Variants in LRFN5 observed in about 807,000 individuals in gnomAD.
LRFN5 encodes leucine-rich repeat and fibronectin type-III domain-containing protein 5.
LRFN5 carries 24 observed loss-of-function variants against 45.6 expected under a neutral mutation model. The observed-to-expected ratio is 0.53, with a 90% CI of 0.38 to 0.74. LRFN5 has a LOEUF of 0.74. Among genes scored for constraint, LRFN5 ranks in the 30% least tolerant of loss-of-function variants. The probability of loss-of-function intolerance (pLI) is 0.00; values close to 1 mark genes in which losing one functional copy is unlikely to be tolerated. For missense variants in LRFN5, 776 were observed against 861.5 expected (o/e 0.90, Z 1.24); for synonymous variants, 340 against 313.8 (o/e 1.08, Z -0.88).
chr14:41,880,371 G>T (rs948157467), intron 2 of LRFN5, among the ~76,000 whole-genome samples: 19 of 151,248 alleles, frequency 1.3e-4, no homozygotes, highest in African/African-American at 4.4e-4. Context: ...AGCTTCTTAG[G>T]TATCAAGCTT....
intron 2 of LRFN5, among the ~76,000 whole-genome samples, chr14:41,797,578 C>T (rs1594718590): frequency 6.6e-6 from 1 of 151,282 alleles, no homozygotes; most frequent in Non-Finnish European, 1.5e-5. Flanking sequence ...AGTATTTTTT[C>T]TCTGCTTAGA....
At chr14:41,624,506 A>G (rs1335633572) in intron 1 of LRFN5, among the ~76,000 whole-genome samples, 2 of 152,160 alleles carry the variant, frequency 1.3e-5, no homozygotes, top group African/African-American at 2.4e-5. Flanking sequence ...ATCTTTTCCA[A>G]TTTAGGTAGA....
intron 2 of LRFN5, among the ~76,000 whole-genome samples, chr14:41,834,743 C>T (rs1190954861): frequency 6.6e-6 from 1 of 151,854 alleles, no homozygotes; most frequent in Non-Finnish European, 1.5e-5. Flanking sequence ...CTTACTGCAG[C>T]CTTAACTTCC....
At chr14:41,760,422 C>T (rs1479432377) in intron 1 of LRFN5, among the ~76,000 whole-genome samples, 1 of 152,038 alleles carries the variant, frequency 6.6e-6, no homozygotes, top group African/African-American at 2.4e-5. Context: ...ATAATGTACT[C>T]ATGTATTACT....
intron 2 of LRFN5, among the ~76,000 whole-genome samples, chr14:41,781,596 GAAAGAAA>G (rs746976901): frequency 3.5e-4 from 30 of 85,768 alleles, no homozygotes; most frequent in Non-Finnish European, 5.0e-4. Flanking sequence ...AAGAAAGAAA[GAAAGAAA>G]GAAAGAAAGA....
At chr14:41,861,480 T>A (rs1889657942) in intron 2 of LRFN5, among the ~76,000 whole-genome samples, 1 of 152,188 alleles carries the variant, frequency 6.6e-6, no homozygotes, top group African/African-American at 2.4e-5. Flanking sequence ...TGGATGTAAC[T>A]CACTTTAAGC....
At chr14:41,898,819 T>G in intron 4 of LRFN5, 98 bp from the exon 5 acceptor site, 1 of 1,101,860 alleles carries the variant, frequency 9.1e-7, no homozygotes, top group Non-Finnish European at 1.3e-6. Flanking sequence ...TTGTTAATTC[T>G]TGATATGAAG....
chr14:41,824,476 G>T (rs1422339338), intron 2 of LRFN5, among the ~76,000 whole-genome samples: 2 of 152,150 alleles, frequency 1.3e-5, no homozygotes, highest in Non-Finnish European at 2.9e-5. Flanking sequence ...TTGTAGTAGT[G>T]ATGCACTGGT....
At chr14:41,892,347 G>C in intron 4 of LRFN5, 1 of 983,180 alleles carries the variant, frequency 1.0e-6, no homozygotes, top group Non-Finnish European at 1.2e-6. Context: ...ATGTATACTG[G>C]AAGGAAACAT....
intron 1 of LRFN5, among the ~76,000 whole-genome samples, chr14:41,716,299 G>A (rs553008840): frequency 6.6e-6 from 1 of 152,030 alleles, no homozygotes; most frequent in South Asian, 2.1e-4. Context: ...AAATTTCTGC[G>A]GCCAGCTTGG....
At chr14:41,798,040 A>G (rs1011867277) in intron 2 of LRFN5, among the ~76,000 whole-genome samples, 1 of 151,880 alleles carries the variant, frequency 6.6e-6, no homozygotes, top group Admixed American at 6.6e-5. Flanking sequence ...TTCCTCTTGG[A>G]ACTATCTCTA....
chr14:41,620,036 A>G (rs1179650815), intron 1 of LRFN5, among the ~76,000 whole-genome samples: 3 of 152,100 alleles, frequency 2.0e-5, no homozygotes, highest in Non-Finnish European at 4.4e-5. Flanking sequence ...GCTCTTTTAA[A>G]AAATACGTCT....
At chr14:41,678,631 C>T (rs1022576991) in intron 1 of LRFN5, among the ~76,000 whole-genome samples, 1 of 152,066 alleles carries the variant, frequency 6.6e-6, no homozygotes, top group African/African-American at 2.4e-5. Flanking sequence ...GTATATATAA[C>T]ATCTTAGGTG....
chr14:41,619,756 T>A (rs1888053711), intron 1 of LRFN5, among the ~76,000 whole-genome samples: 1 of 152,008 alleles, frequency 6.6e-6, no homozygotes, highest in Admixed American at 6.6e-5. Flanking sequence ...CTGCATATAC[T>A]ATGTGTATTA....
intron 4 of LRFN5, chr14:41,893,011 G>A (rs1463051724): frequency 9.1e-6 from 9 of 984,280 alleles, no homozygotes; most frequent in Non-Finnish European, 1.1e-5. Flanking sequence ...ACTTCTAATG[G>A]TGTTCTCATT....
At chr14:41,876,430 A>G (rs980609613) in intron 2 of LRFN5, among the ~76,000 whole-genome samples, 136 of 142,732 alleles carry the variant, frequency 9.5e-4, no homozygotes, top group African/African-American at 3.1e-3. Context: ...ACAGGTGCCC[A>G]CCACCATGCC....
In LRFN5 at chr14:41,607,815, T is replaced by C. The variant is rs1248221255; in HGVS notation, c.-944T>C. 2 of 150,940 alleles carry C rather than the reference T, an allele frequency of 1.3e-5. No individual in the cohort carries two copies. The highest frequency in any genetic ancestry group is 3.0e-5 in the Non-Finnish European group (2 of 67,700). The allele number at this position is 150,940 out of a possible 1,614,324, so 9.4% of individuals were successfully genotyped here. A position where few individuals can be genotyped will look rare whatever the true frequency, so the allele number is the denominator to read the frequency against. ...GAGAGTGTCTTGCAGCCCTCTTGTT[T>C]CCGTGTATCTACACCTTCTTCTCTT... On this transcript the variant is annotated 5_prime_UTR_variant, in exon 1 of 6. Coordinates refer to ENST00000298119, the MANE Select transcript of LRFN5 (RefSeq NM_152447.5).
In LRFN5 at chr14:41,674,319, G is replaced by A. The variant is rs1216989426; in HGVS notation, c.-197+65757G>A. Among the ~76,000 whole-genome samples, 6 of 137,522 alleles carry A rather than the reference G, an allele frequency of 4.4e-5. No homozygotes were observed. The East Asian group carries it at 6.9e-4, about 16-fold the overall frequency. The allele number at this position is 137,522 out of a possible 152,430, so 90.2% of individuals were successfully genotyped here. A position where few individuals can be genotyped will look rare whatever the true frequency, so the allele number is the denominator to read the frequency against. ...CACCTCCCGGACGGGGCGGCTGGCC[G>A]GGCGGGGGGCCGACCCCCCCACCTC... On this transcript the variant is annotated intron_variant, in intron 1 of 5. Transcript: ENST00000298119.
At chr14:41,648,356 ATAAT>A (rs1361072805) in intron 1 of LRFN5, among the ~76,000 whole-genome samples, 2 of 152,152 alleles carry the variant, frequency 1.3e-5, no homozygotes, top group Non-Finnish European at 2.9e-5. Flanking sequence ...CAAAATAATA[ATAAT>A]TAATTATTGT....
Sources: allele counts gnomAD v4.1 joint callset (sites outside exome capture counted in the v4.1 genomes callset), GRCh38; gene constraint gnomAD v4.1.1; transcripts MANE v1.5; gene names NCBI Gene and HGNC (gene_info 2026-07-23, HGNC 2026-07-21).